PIBF1: variants seen among roughly 807,000 people sequenced by gnomAD.
PIBF1 encodes the protein progesterone-induced-blocking factor 1.
A neutral mutation model predicts 112.5 loss-of-function variants in PIBF1; 90 were observed. The observed-to-expected ratio is 0.80, with a 90% CI of 0.67 to 0.95. The LOEUF is 0.95. PIBF1 is among the 40% of genes least tolerant of loss of function. The probability of loss-of-function intolerance (pLI) is 0.00; values close to 1 mark genes in which losing one functional copy is unlikely to be tolerated. For synonymous variants in PIBF1, 301 were observed against 288.6 expected (o/e 1.04, Z -0.44); for missense variants, 915 against 852.3 (o/e 1.07, Z -0.92).
chr13:72,822,712 A>T (rs1056559679), intron 6 of PIBF1, among the ~76,000 whole-genome samples: 2 of 152,258 alleles, frequency 1.3e-5, no homozygotes, highest in Non-Finnish European at 2.9e-5. Context: ...AAATGAATGA[A>T]TGATTTAAAT....
chr13:72,827,648 A>G, intron 7 of PIBF1, 85 bp from the exon 8 acceptor site: 1 of 813,250 alleles, frequency 1.2e-6, no homozygotes, highest in Non-Finnish European at 1.8e-6. Context: ...GTGAATGAAA[A>G]CATGAAGGAA....
At chr13:72,948,971 C>T (rs1484879117) in intron 14 of PIBF1, among the ~76,000 whole-genome samples, 1 of 152,164 alleles carries the variant, frequency 6.6e-6, no homozygotes, top group Non-Finnish European at 1.5e-5. Flanking sequence ...TGGATGGGAA[C>T]ACAAAGCCTA....
At chr13:72,839,608 G>C (rs909865135) in intron 9 of PIBF1, among the ~76,000 whole-genome samples, 6 of 152,188 alleles carry the variant, frequency 3.9e-5, no homozygotes, top group African/African-American at 1.4e-4. Flanking sequence ...TTTGTTGACT[G>C]ATATAATAAC....
At chr13:72,880,884 G>A (rs946964484) in intron 10 of PIBF1, among the ~76,000 whole-genome samples, 1 of 152,124 alleles carries the variant, frequency 6.6e-6, no homozygotes, top group South Asian at 2.1e-4. Flanking sequence ...GCAGATTTCA[G>A]CTTTGCTACT....
chr13:72,924,440 T>C (rs2041409953), intron 13 of PIBF1, among the ~76,000 whole-genome samples: 1 of 152,120 alleles, frequency 6.6e-6, no homozygotes, highest in South Asian at 2.1e-4. Flanking sequence ...GAGGTACTTA[T>C]CGCTATGCAC....
In PIBF1 at chr13:72,965,340, C is replaced by T; in HGVS notation, c.1900C>T (p.Arg634Cys). Residue 634 changes from arginine (R) to cysteine (C), a missense_variant, in exon 15 of 18, where the codon CGT becomes TGT. Coordinates refer to ENST00000326291, the MANE Select transcript of PIBF1 (RefSeq NM_006346.4). The part of the protein sequence containing the change: ...QPYRYLIESV[R>C]QRDSKIDSLT... ...TTACAGGTATCTCATTGAATCAGTG[C>T]GTCAGAGAGATTCTAAGATTGATTC... is the stretch of plus-strand genomic sequence containing the variant. The T allele has an allele frequency of 5.6e-6, 9 of 1,607,482 alleles. No individual in the cohort carries two copies. Among genetic ancestry groups the T allele is most frequent in the East Asian group, 2.2e-5 (1 of 44,772 alleles).
intron 12 of PIBF1, among the ~76,000 whole-genome samples, chr13:72,911,175 C>T (rs924566992): frequency 2.6e-5 from 4 of 151,954 alleles, no homozygotes; most frequent in Non-Finnish European, 4.4e-5. Context: ...GGCAACATAG[C>T]GTGACCTCCT....
intron 5 of PIBF1, among the ~76,000 whole-genome samples, chr13:72,805,186 A>G (rs976554690): frequency 6.6e-6 from 1 of 152,186 alleles, no homozygotes; most frequent in Admixed American, 6.5e-5. Flanking sequence ...TTTGTCGCCC[A>G]GGCTGGCATG....
chr13:72,846,321 T>C (rs1566350854), intron 9 of PIBF1, among the ~76,000 whole-genome samples: 1 of 152,172 alleles, frequency 6.6e-6, no homozygotes, highest in East Asian at 1.9e-4. Context: ...GCAAATCCTT[T>C]TGGATTTATG....
chr13:72,958,129 AAAAG>A (rs769695305), intron 14 of PIBF1, among the ~76,000 whole-genome samples: 3 of 152,120 alleles, frequency 2.0e-5, no homozygotes, highest in Non-Finnish European at 2.9e-5. Context: ...CTTAAAAAAA[AAAAG>A]AATCACGTAA....
At chr13:72,835,786 G>A (rs954505418) in intron 9 of PIBF1, among the ~76,000 whole-genome samples, 3 of 152,130 alleles carry the variant, frequency 2.0e-5, no homozygotes, top group African/African-American at 4.8e-5. Context: ...GAAAGATGTC[G>A]TATTAGGTAA....
intron 14 of PIBF1, among the ~76,000 whole-genome samples, chr13:72,961,137 A>G (rs896485769): frequency 1.3e-5 from 2 of 150,996 alleles, no homozygotes; most frequent in Non-Finnish European, 2.9e-5. Flanking sequence ...AAATGCTTTT[A>G]CAGAATAGTT....
At chr13:72,890,086 T>G (rs1415020292) in intron 10 of PIBF1, among the ~76,000 whole-genome samples, 2 of 152,146 alleles carry the variant, frequency 1.3e-5, no homozygotes, top group East Asian at 3.8e-4. Flanking sequence ...TACATCAGAG[T>G]CTAACAAGTA....
intron 5 of PIBF1, among the ~76,000 whole-genome samples, chr13:72,805,030 G>A (rs1022876319): frequency 5.9e-5 from 9 of 152,200 alleles, no homozygotes; most frequent in African/African-American, 1.9e-4. Context: ...CTGCAGTGCA[G>A]TGGTACAGTC....
In PIBF1 at chr13:72,859,548, A is replaced by G. The variant is rs547019363; in HGVS notation, c.1322+5393A>G. On this transcript the variant is annotated intron_variant, in intron 10 of 17. Transcript: ENST00000326291. ...TAAAACCATATTTAACAAATTTGAT[A>G]TAAAACAATAACAACAAATTAATTG... 5.9e-5 allele frequency among the ~76,000 whole-genome samples: 9 copies of G among 152,322 alleles called. No individual in the cohort carries two copies. The South Asian group carries it at 1.9e-3, about 32-fold the overall frequency.
At chr13:72,989,748 C>T (rs569836796) in intron 16 of PIBF1, among the ~76,000 whole-genome samples, 1 of 152,252 alleles carries the variant, frequency 6.6e-6, no homozygotes, top group South Asian at 2.1e-4. Context: ...GAATTATACA[C>T]TTCAAATGGA....
rs774197306 is a variant in PIBF1, at chr13:72,910,868, GCT to G, written c.1639+2188_1639+2189del. On this transcript the variant is annotated intron_variant, in intron 12 of 17. Transcript: ENST00000326291. ...AAGCCAAAAAACCCTACAGATCATTGCTAAGAGAAATTAAAGAACCACTCCCC... is the reference window on the plus strand; with the variant it reads ...AAGCCAAAAAACCCTACAGATCATTGAAGAGAAATTAAAGAACCACTCCCC... Among the ~76,000 whole-genome samples, 234 of 152,104 alleles carry G rather than the reference GCT, an allele frequency of 1.5e-3. 1 individual carries two copies. Among genetic ancestry groups the G allele is most frequent in the Non-Finnish European group, 1.9e-3 (126 of 68,020 alleles).
At chr13:72,856,159 T>C (rs1338462739) in intron 10 of PIBF1, among the ~76,000 whole-genome samples, 3 of 152,180 alleles carry the variant, frequency 2.0e-5, no homozygotes, top group Admixed American at 6.5e-5. Flanking sequence ...TATTAAACAA[T>C]AGAGGATTCA....
chr13:72,889,342 G>C (rs2039972718), intron 10 of PIBF1, among the ~76,000 whole-genome samples: 1 of 152,112 alleles, frequency 6.6e-6, no homozygotes, highest in Non-Finnish European at 1.5e-5. Flanking sequence ...GTTCTTTCAA[G>C]TGTAGAAAGT....
Sources: allele counts gnomAD v4.1 joint callset (sites outside exome capture counted in the v4.1 genomes callset), GRCh38; gene constraint gnomAD v4.1.1; transcripts MANE v1.5; gene names NCBI Gene and HGNC (gene_info 2026-07-23, HGNC 2026-07-21).